LRP1B: variants seen among roughly 807,000 people sequenced by gnomAD.
LRP1B encodes low-density lipoprotein receptor-related protein 1B.
In LRP1B, 217 loss-of-function variants were observed where a neutral mutation model predicts 556.6. That is an observed-to-expected ratio of 0.39 (90% CI 0.35 to 0.44). LRP1B has a LOEUF of 0.44. Among genes scored for constraint, LRP1B ranks in the 20% least tolerant of loss-of-function variants. LRP1B has a pLI of 1.00. For missense variants in LRP1B, 5,053 were observed against 5,620.8 expected (o/e 0.90, Z 3.23); for synonymous variants, 2,047 against 1,865.8 (o/e 1.10, Z -2.50).
At chr2:140,500,707 T>A (rs1689148575) in intron 55 of LRP1B, among the ~76,000 whole-genome samples, 1 of 151,978 alleles carries the variant, frequency 6.6e-6, no homozygotes, top group African/African-American at 2.4e-5. Flanking sequence ...TAAGCAAAAC[T>A]TCTTCTGAAG....
chr2:141,168,147 A>C (rs563094703), intron 7 of LRP1B, among the ~76,000 whole-genome samples: 9 of 152,204 alleles, frequency 5.9e-5, no homozygotes, highest in African/African-American at 2.2e-4. Context: ...ACTTCAGCAC[A>C]TTTTATCCAT....
chr2:141,556,606 A>T (rs1685968528), intron 2 of LRP1B, among the ~76,000 whole-genome samples: 1 of 151,910 alleles, frequency 6.6e-6, no homozygotes, highest in Non-Finnish European at 1.5e-5. Flanking sequence ...CCTTTATTAG[A>T]TACAAATAGA....
rs148420001 is a variant in LRP1B, at chr2:140,349,763, A to G, written c.11892+1034T>C. On this transcript the variant is annotated intron_variant, in intron 77 of 90. Coordinates refer to ENST00000389484, the MANE Select transcript of LRP1B (RefSeq NM_018557.3). Reference sequence around the variant, plus strand: ...TCTGTTTTAGAGCTAACGAAAGTTAATGTTAGCTATTGTGTTTGAGGGAAT... The same window carrying G: ...TCTGTTTTAGAGCTAACGAAAGTTAGTGTTAGCTATTGTGTTTGAGGGAAT... Among the ~76,000 whole-genome samples, 38 of 152,244 alleles carry G rather than the reference A, an allele frequency of 2.5e-4. No individual in the cohort carries two copies. In the East Asian group the frequency reaches 5.4e-3, roughly 22 times the overall value.
chr2:140,672,760 T>C (rs758150419), intron 41 of LRP1B, among the ~76,000 whole-genome samples: 1 of 152,220 alleles, frequency 6.6e-6, no homozygotes, highest in Non-Finnish European at 1.5e-5. Flanking sequence ...AAACTGGCAA[T>C]GTTTCTGCTG....
Position 140,506,828 on chromosome 2 carries a change from C to T in LRP1B, c.8489G>A (p.Cys2830Tyr), listed in dbSNP as rs2104907036. 1 of 1,614,020 alleles carries T rather than the reference C, an allele frequency of 6.2e-7. No homozygotes were observed. The highest frequency in any genetic ancestry group is 8.5e-7 in the Non-Finnish European group (1 of 1,179,964). ...KQFVCDHDDD[C>Y]GDGSDESPQC... ...CGGTGACTCATCAGAGCCATCTCCA[C>T]AGTCGTCATCATGGTCACAAACAAA... Residue 2830 changes from cysteine (C) to tyrosine (Y), a missense_variant, in exon 53 of 91, where the codon TGT becomes TAT. Cys to Tyr is a radical substitution (Grantham distance 194). Transcript: ENST00000389484.
intron 41 of LRP1B, among the ~76,000 whole-genome samples, chr2:140,643,078 GAATA>G: frequency 6.6e-6 from 1 of 151,992 alleles, no homozygotes; most frequent in Admixed American, 6.6e-5. Flanking sequence ...CAATTTCAAA[GAATA>G]AATTTCAGAT....
At chr2:142,003,145 C>T (rs1702705659) in intron 1 of LRP1B, among the ~76,000 whole-genome samples, 1 of 152,214 alleles carries the variant, frequency 6.6e-6, no homozygotes. Flanking sequence ...TTGAAAGGTT[C>T]TAGGCCTTGG....
chr2:140,524,162 G>A (rs774592820), intron 49 of LRP1B, among the ~76,000 whole-genome samples: 10 of 151,484 alleles, frequency 6.6e-5, no homozygotes, highest in African/African-American at 1.2e-4. Context: ...AAAATGGGTC[G>A]AGTATAGAAA....
chr2:140,386,625 G>T (rs16843881), intron 66 of LRP1B, among the ~76,000 whole-genome samples: 1 of 152,122 alleles, frequency 6.6e-6, no homozygotes, highest in Non-Finnish European at 1.5e-5. Flanking sequence ...TACCAGGAAA[G>T]TATTAACTAG....
chr2:140,257,668 C>A (rs1681756669), intron 86 of LRP1B, among the ~76,000 whole-genome samples: 1 of 152,126 alleles, frequency 6.6e-6, no homozygotes, highest in African/African-American at 2.4e-5. Flanking sequence ...GACAGTTTTT[C>A]TCGGACTTTA....
rs374456835 is a variant in LRP1B, at chr2:141,202,944, G to C, written c.851-14361C>G. ...CTCCCTATGACCATGTGTTGTCAGTGTTCAACTCCCAATTATGAGTGAGAA... is the reference window on the plus strand; with the variant it reads ...CTCCCTATGACCATGTGTTGTCAGTCTTCAACTCCCAATTATGAGTGAGAA... On this transcript the variant is annotated intron_variant, in intron 6 of 90. Transcript: ENST00000389484. Among the ~76,000 whole-genome samples the C allele has an allele frequency of 2.5e-3, 375 of 151,912 alleles. 1 individual carries two copies. Among genetic ancestry groups the C allele is most frequent in the African/African-American group, 8.0e-3 (331 of 41,386 alleles).
chr2:140,297,004 G>A (rs1238555050), intron 84 of LRP1B, among the ~76,000 whole-genome samples: 1 of 152,106 alleles, frequency 6.6e-6, no homozygotes, highest in Non-Finnish European at 1.5e-5. Flanking sequence ...AAAGAACTTG[G>A]CAGACAGGAA....
intron 3 of LRP1B, among the ~76,000 whole-genome samples, chr2:141,310,461 C>T (rs1006900640): frequency 1.2e-4 from 18 of 152,126 alleles, no homozygotes; most frequent in African/African-American, 4.3e-4. Context: ...TAGTACCTAG[C>T]ACAGAGTGAT....
At chr2:141,714,195 G>A (rs1692481599) in intron 2 of LRP1B, among the ~76,000 whole-genome samples, 1 of 152,092 alleles carries the variant, frequency 6.6e-6, no homozygotes, top group South Asian at 2.1e-4. Flanking sequence ...CTTCAAGTAT[G>A]TGATTTTGGT....
chr2:141,927,064 T>C (rs1480407361), intron 1 of LRP1B, among the ~76,000 whole-genome samples: 1 of 152,134 alleles, frequency 6.6e-6, no homozygotes, highest in Non-Finnish European at 1.5e-5. Context: ...TTTATAAACC[T>C]CTTAAAGGTA....
intron 32 of LRP1B, among the ~76,000 whole-genome samples, chr2:140,799,238 G>A (rs562607877): frequency 2.3e-4 from 35 of 152,210 alleles, no homozygotes; most frequent in Non-Finnish European, 4.4e-5. Flanking sequence ...GAAGCCCTAA[G>A]GAGATGGGGC....
intron 2 of LRP1B, among the ~76,000 whole-genome samples, chr2:141,638,173 C>A (rs1248042248): frequency 6.6e-6 from 1 of 152,000 alleles, no homozygotes; most frequent in Non-Finnish European, 1.5e-5. Context: ...GGCAACAGAG[C>A]AAGACCTTGT....
At chr2:142,011,580 G>A (rs140656803) in intron 1 of LRP1B, among the ~76,000 whole-genome samples, 1 of 152,138 alleles carries the variant, frequency 6.6e-6, no homozygotes, top group Non-Finnish European at 1.5e-5. Flanking sequence ...ATAGGAGACT[G>A]CATGCTTTCT....
chr2:141,559,978 A>G (rs1231547136), intron 2 of LRP1B, among the ~76,000 whole-genome samples: 1 of 151,742 alleles, frequency 6.6e-6, no homozygotes, highest in African/African-American at 2.4e-5. Flanking sequence ...TGGATTTTCC[A>G]TGATCCAAAA....
Sources: allele counts gnomAD v4.1 joint callset (sites outside exome capture counted in the v4.1 genomes callset), GRCh38; gene constraint gnomAD v4.1.1; transcripts MANE v1.5; gene names NCBI Gene and HGNC (gene_info 2026-07-23, HGNC 2026-07-21).